RAB3GAP2: variants seen among roughly 807,000 people sequenced by gnomAD.
RAB3GAP2 encodes RAB3 GTPase activating non-catalytic protein subunit 2, also known as rab3 GTPase-activating protein non-catalytic subunit.
RAB3GAP2 carries 87 observed loss-of-function variants against 185.3 expected under a neutral mutation model. The observed-to-expected ratio is 0.47, with a 90% CI of 0.39 to 0.56. The LOEUF (loss-of-function observed/expected upper bound fraction) is 0.56, where lower values mean the gene tolerates loss of function less well. RAB3GAP2 is among the 20% of genes least tolerant of loss of function. RAB3GAP2 has a pLI of 0.00. For synonymous variants in RAB3GAP2, 554 were observed against 576.1 expected, an observed-to-expected ratio of 0.96 and a Z score of 0.55; for missense variants, 1,492 against 1,638.2, an observed-to-expected ratio of 0.91 and a Z score of 1.54.
rs929710363 is a variant in RAB3GAP2 at position 220,184,097 on chromosome 1, T to C, written c.1937A>G (p.Tyr646Cys). 1.2e-6 allele frequency: 2 copies of C among 1,606,032 alleles called. No homozygotes were observed. Among genetic ancestry groups the C allele is most frequent in the Middle Eastern group, 1.7e-4 (1 of 6,056 alleles). Residue 646 changes from tyrosine to cysteine, a missense_variant, in exon 19 of 35, where the codon TAT (tyrosine) becomes TGT (cysteine). Around this residue, in one of 5 missense-constraint regions of RAB3GAP2, gnomAD observed 681 missense variants for 689.1 expected, o/e 0.99. Transcript: ENST00000358951. ...CANKLKLLQL[Y>C]ESVSQLNSLD... ...GGAATTTAATTGACTGACAGACTCA[T>C]AGAGTTGCAGCAGTTTTAGTTTATT...
chr1:220,168,435 T>C (rs1658112463), intron 24 of RAB3GAP2, among the ~76,000 whole-genome samples: 1 of 151,774 alleles, frequency 6.6e-6, no homozygotes, highest in Admixed American at 6.6e-5. Flanking sequence ...TTCGCTCTTG[T>C]TGTCCAGGCT....
At chr1:220,205,350 G>A (rs929827666) in intron 8 of RAB3GAP2, among the ~76,000 whole-genome samples, 4 of 152,120 alleles carry the variant, frequency 2.6e-5, no homozygotes, top group African/African-American at 9.7e-5. Flanking sequence ...CATTCTGAGT[G>A]TTCTGAGTTA....
chr1:220,163,055 C>T (rs888819864), intron 27 of RAB3GAP2, among the ~76,000 whole-genome samples: 31 of 152,250 alleles, frequency 2.0e-4, no homozygotes, highest in African/African-American at 6.7e-4. Flanking sequence ...GATAGCATAG[C>T]TTGAGCTCAG....
chr1:220,201,194 A>G (rs1268287710), intron 9 of RAB3GAP2, among the ~76,000 whole-genome samples: 2 of 151,890 alleles, frequency 1.3e-5, no homozygotes, highest in Non-Finnish European at 2.9e-5. Flanking sequence ...GCTTTTATCT[A>G]TATTTTACTA....
intron 2 of RAB3GAP2, among the ~76,000 whole-genome samples, chr1:220,215,951 G>T (rs2102883383): frequency 6.6e-6 from 1 of 152,084 alleles, no homozygotes; most frequent in South Asian, 2.1e-4. Context: ...AAATTTAAAA[G>T]ATTTTAGAAA....
At chr1:220,219,285 T>C (rs373530129) in intron 2 of RAB3GAP2, 3 of 143,142 alleles carry the variant, frequency 2.1e-5, no homozygotes, top group Non-Finnish European at 4.5e-5. Context: ...ACTGACAGGA[T>C]GATTCAATCT....
At chr1:220,246,036 G>A (rs1370204632) in intron 1 of RAB3GAP2, among the ~76,000 whole-genome samples, 1 of 151,942 alleles carries the variant, frequency 6.6e-6, no homozygotes, top group Non-Finnish European at 1.5e-5. Context: ...TCTGACAAAG[G>A]GCTAATATCC....
chr1:220,191,237 G>T lies in RAB3GAP2; in HGVS notation c.1318C>A (p.His440Asn), dbSNP rs532638624. Residue 440 changes from histidine (H) to asparagine (N), a missense_variant, in exon 14 of 35, where the codon CAT becomes AAT. Around this residue, in one of 5 missense-constraint regions of RAB3GAP2, gnomAD observed 681 missense variants for 689.1 expected, o/e 0.99. Coordinates refer to ENST00000358951, the MANE Select transcript of RAB3GAP2 (RefSeq NM_012414.4). The stretch of plus-strand genomic sequence containing the variant: ...TCTGCCTTTTCTGGCACTCTTTCAT[G>T]GAGGTCCTCTACAGTTTGAATCCAT... The part of the protein sequence containing the change: ...IGWIQTVEDL[H>N]ERVPEKADFS... 2 of 1,613,692 alleles carry T rather than the reference G, an allele frequency of 1.2e-6. No individual in the cohort carries two copies. The highest frequency in any genetic ancestry group is 1.7e-6 in the Non-Finnish European group (2 of 1,179,910).
At chr1:220,203,283 C>A (rs1435767120) in intron 8 of RAB3GAP2, among the ~76,000 whole-genome samples, 1 of 152,164 alleles carries the variant, frequency 6.6e-6, no homozygotes, top group Non-Finnish European at 1.5e-5. Context: ...GATTCATGTA[C>A]ATCCCATGAA....
chr1:220,207,352 G>T (rs1227378848), intron 7 of RAB3GAP2, among the ~76,000 whole-genome samples: 1 of 152,090 alleles, frequency 6.6e-6, no homozygotes, highest in East Asian at 1.9e-4. Context: ...TCAAAAGTTT[G>T]TTAATCTTTA....
At chr1:220,219,615 A>T (rs924107095) in intron 2 of RAB3GAP2, 5 of 152,194 alleles carry the variant, frequency 3.3e-5, no homozygotes, top group Non-Finnish European at 7.3e-5. Context: ...CTGCCACAGT[A>T]TTGCTCCAGA....
At chr1:220,153,844 A>T in intron 32 of RAB3GAP2, 124 bp downstream of exon 32, 2 of 1,334,816 alleles carry the variant, frequency 1.5e-6, no homozygotes. Flanking sequence ...GAGTGAGAAC[A>T]TGTGCTGTTT....
At chr1:220,212,430 T>C (rs1659100992) in intron 4 of RAB3GAP2, among the ~76,000 whole-genome samples, 2 of 152,192 alleles carry the variant, frequency 1.3e-5, no homozygotes, top group Admixed American at 1.3e-4. Flanking sequence ...CTCTACAACC[T>C]ATAAAGTTAG....
chr1:220,222,482 A>G (rs1659326055), intron 2 of RAB3GAP2, among the ~76,000 whole-genome samples: 1 of 152,202 alleles, frequency 6.6e-6, no homozygotes, highest in African/African-American at 2.4e-5. Flanking sequence ...GATCTTTTCA[A>G]CATAAGGAAA....
chr1:220,219,913 T>G (rs1292418251), intron 2 of RAB3GAP2, among the ~76,000 whole-genome samples: 1 of 152,208 alleles, frequency 6.6e-6, no homozygotes, highest in Non-Finnish European at 1.5e-5. Flanking sequence ...ACACATTCAG[T>G]GGCTGACAAG....
At chr1:220,243,270 T>C (rs1276872177) in intron 1 of RAB3GAP2, among the ~76,000 whole-genome samples, 6 of 149,808 alleles carry the variant, frequency 4.0e-5, no homozygotes, top group South Asian at 2.1e-4. Context: ...AGGAGAATGG[T>C]GTGAACCTGG....
intron 31 of RAB3GAP2, among the ~76,000 whole-genome samples, chr1:220,156,616 G>A (rs749411439): frequency 6.6e-6 from 1 of 152,198 alleles, no homozygotes; most frequent in Non-Finnish European, 1.5e-5. Context: ...TGGAGGCAGC[G>A]TGATTAAGAA....
chr1:220,169,881 G>T (rs1658141873), intron 24 of RAB3GAP2, among the ~76,000 whole-genome samples: 1 of 152,110 alleles, frequency 6.6e-6, no homozygotes, highest in Non-Finnish European at 1.5e-5. Context: ...AATATTTTAT[G>T]AAAATAATTA....
In RAB3GAP2 at chr1:220,158,961, A is replaced by T. The variant is rs943989028; in HGVS notation, c.3261+425T>A. Among the ~76,000 whole-genome samples the T allele has an allele frequency of 2.6e-5, 4 of 152,176 alleles. No homozygotes were observed. The highest frequency in any genetic ancestry group is 9.7e-5 in the African/African-American group (4 of 41,446). On this transcript the variant is annotated intron_variant, in intron 29 of 34. Transcript: ENST00000358951. The surrounding 1 kb of genome is among the most constrained non-coding windows in gnomAD (Gnocchi z 4.3). ...TACAAGTCCCATATCCATGGATTAG[A>T]ATATTAGTTAAGACTAATGTTGTAT...
Sources: allele counts gnomAD v4.1 joint callset (sites outside exome capture counted in the v4.1 genomes callset), GRCh38; gene constraint gnomAD v4.1.1; regional missense constraint gnomAD v4.1.1; non-coding constraint Gnocchi (gnomAD v3.1); transcripts MANE v1.5; gene names NCBI Gene and HGNC (gene_info 2026-07-23, HGNC 2026-07-21).